The following ATP2B2 variants were observed in gnomAD, a reference collection of about 807,000 sequenced individuals.
ATP2B2 encodes ATPase plasma membrane Ca2+ transporting 2.
A neutral mutation model predicts 120.0 loss-of-function variants in ATP2B2; 15 were observed. That is an observed-to-expected ratio of 0.12 (90% CI 0.08 to 0.19). The LOEUF is 0.19. Ranked by LOEUF, ATP2B2 falls within the 10% of genes least tolerant of loss-of-function variation. The probability of loss-of-function intolerance (pLI) is 1.00; values close to 1 mark genes in which losing one functional copy is unlikely to be tolerated. For missense variants in ATP2B2, 1,045 were observed against 1,719.8 expected (o/e 0.61, Z 6.94); for synonymous variants, 694 against 700.3 (o/e 0.99, Z 0.14).
chr3:10,338,424 C>G, intron 21 of ATP2B2, 66 bp from the exon 22 acceptor site: 2 of 1,572,000 alleles, frequency 1.3e-6, no homozygotes, highest in Non-Finnish European at 1.7e-6. Flanking sequence ...CTCCCTGACA[C>G]CCGCTCCTCT....
intron 2 of ATP2B2, among the ~76,000 whole-genome samples, chr3:10,581,897 G>A (rs1202664901): frequency 6.6e-6 from 1 of 152,146 alleles, no homozygotes; most frequent in African/African-American, 2.4e-5. Flanking sequence ...TGCTAGAGAA[G>A]GATTTGTTAG....
chr3:10,395,274 A>G (rs1236654828), intron 5 of ATP2B2, among the ~76,000 whole-genome samples: 1 of 152,242 alleles, frequency 6.6e-6, no homozygotes, highest in East Asian at 1.9e-4. Flanking sequence ...CAGGAGACCA[A>G]AGAGGCAGGA....
At chr3:10,688,977 G>C (rs2071591564) in intron 1 of ATP2B2, among the ~76,000 whole-genome samples, 2 of 152,182 alleles carry the variant, frequency 1.3e-5, no homozygotes, top group South Asian at 4.1e-4. Context: ...TACCTGGTGT[G>C]GGGGTGGGGA....
intron 2 of ATP2B2, among the ~76,000 whole-genome samples, chr3:10,567,805 G>A (rs2125539716): frequency 6.6e-6 from 1 of 152,314 alleles, no homozygotes; most frequent in South Asian, 2.1e-4. Flanking sequence ...TGAGGGCTGA[G>A]ACTGCGTTTC....
rs1308775061 is a variant in ATP2B2 at position 10,324,044 on chromosome 3, A to G, written c.*4770T>C. 1.8e-4 allele frequency: 28 copies of G among 152,178 alleles called. No individual in the cohort carries two copies. Among genetic ancestry groups the G allele is most frequent in the Non-Finnish European group, 4.4e-5 (3 of 68,010 alleles). 9.4% of individuals were successfully genotyped at this position (152,178 alleles called of 1,614,324 possible). ...TGTCTGCATTTCCACGTGTGCATTT[A>G]TTGTTATTGCTCAGTATAGTGTTGA... On this transcript the variant is annotated 3_prime_UTR_variant, in exon 23 of 23. Coordinates refer to ENST00000360273, the MANE Select transcript of ATP2B2 (RefSeq NM_001001331.4).
chr3:10,606,640 G>A (rs968183910), intron 2 of ATP2B2, among the ~76,000 whole-genome samples: 2 of 152,190 alleles, frequency 1.3e-5, no homozygotes, highest in East Asian at 3.9e-4. Context: ...GTGCATGCAG[G>A]GGAGTTTTGG....
intron 12 of ATP2B2, among the ~76,000 whole-genome samples, chr3:10,366,639 C>T (rs879310556): frequency 5.9e-5 from 9 of 152,180 alleles, no homozygotes; most frequent in Admixed American, 5.9e-4. Context: ...TAAGTCCGCT[C>T]GGGTGGTTCC....
At chr3:10,349,594 G>C (rs1050356904) in intron 16 of ATP2B2, among the ~76,000 whole-genome samples, 4 of 152,134 alleles carry the variant, frequency 2.6e-5, no homozygotes, top group Non-Finnish European at 4.4e-5. Context: ...ATTCCCAGGA[G>C]AGCGCATCCC....
chr3:10,586,455 C>T (rs942419264), intron 2 of ATP2B2, among the ~76,000 whole-genome samples: 1 of 152,184 alleles, frequency 6.6e-6, no homozygotes, highest in African/African-American at 2.4e-5. Context: ...TTTAAACAAC[C>T]TTCCCAAAGT....
intron 1 of ATP2B2, among the ~76,000 whole-genome samples, chr3:10,645,886 G>T (rs543630738): frequency 6.6e-6 from 1 of 152,326 alleles, no homozygotes; most frequent in Non-Finnish European, 1.5e-5. Flanking sequence ...CTTCTCCTGT[G>T]TGTGACAGAA....
chr3:10,535,918 C>CTT (rs59876463), intron 2 of ATP2B2, among the ~76,000 whole-genome samples: 5 of 147,766 alleles, frequency 3.4e-5, no homozygotes, highest in East Asian at 3.9e-4. Context: ...TTTCTTTTTT[C>CTT]TTTTTTTTTT....
intron 2 of ATP2B2, among the ~76,000 whole-genome samples, chr3:10,412,144 T>C (rs2062632048): frequency 6.6e-6 from 1 of 152,252 alleles, no homozygotes; most frequent in South Asian, 2.1e-4. Context: ...CCTGCCACAC[T>C]GTGCCCATGC....
intron 2 of ATP2B2, among the ~76,000 whole-genome samples, chr3:10,430,545 AACTCCTCCTCCATTCAAGTTTGATC>A: frequency 6.6e-6 from 1 of 152,228 alleles, no homozygotes; most frequent in Non-Finnish European, 1.5e-5. Flanking sequence ...CATAAGAAGC[AACTCCTCCTCCATTCAAGTTTGATC>A]ATGAGATTGC....
chr3:10,645,411 G>GA (rs1192859987), intron 1 of ATP2B2, among the ~76,000 whole-genome samples: 1 of 152,160 alleles, frequency 6.6e-6, no homozygotes, highest in African/African-American at 2.4e-5. Flanking sequence ...GGGCTTATCA[G>GA]AGAGTGTCTT....
chr3:10,492,369 G>A (rs1011330005), intron 1 of ATP2B2, among the ~76,000 whole-genome samples: 30 of 152,264 alleles, frequency 2.0e-4, no homozygotes, highest in Non-Finnish European at 3.5e-4. Flanking sequence ...CCTCATTAAG[G>A]GCTCTTTAAG....
At chr3:10,359,604 C>T (rs1413707290) in intron 13 of ATP2B2, among the ~76,000 whole-genome samples, 1 of 152,130 alleles carries the variant, frequency 6.6e-6, no homozygotes. Flanking sequence ...CCTGATGAAC[C>T]AGCGGCTTAG....
chr3:10,662,339 T>C lies in ATP2B2; in HGVS notation c.-459-42378A>G, dbSNP rs1373184087. ...ATGGGAAAAAATTTTTGCAACCTAC[T>C]CATCTGACAAAGGGCTAATATCCAG... is the stretch of plus-strand genomic sequence containing the variant. On this transcript the variant is annotated intron_variant, in intron 1 of 21. Transcript: ENST00000646379. Among the ~76,000 whole-genome samples the C allele has an allele frequency of 2.0e-5, 3 of 150,902 alleles. No homozygotes were observed. In the East Asian group the frequency reaches 5.8e-4, roughly 29 times the overall value.
At chr3:10,358,321 G>T (rs1448084992) in intron 14 of ATP2B2, among the ~76,000 whole-genome samples, 1 of 152,200 alleles carries the variant, frequency 6.6e-6, no homozygotes, top group Non-Finnish European at 1.5e-5. Context: ...TTGTGGATTT[G>T]TTACAGGAGA....
intron 3 of ATP2B2, among the ~76,000 whole-genome samples, chr3:10,531,208 C>T (rs2067202869): frequency 6.6e-6 from 1 of 152,194 alleles, no homozygotes; most frequent in South Asian, 2.1e-4. Flanking sequence ...CACACTCCCT[C>T]CCCTCGGGCT....
Sources: gnomAD v4.1 joint callset for allele counts (sites outside exome capture counted in the v4.1 genomes callset) on GRCh38, gnomAD v4.1.1 for gene constraint, MANE v1.5 for transcripts, NCBI Gene and HGNC (gene_info 2026-07-23, HGNC 2026-07-21) for gene names.